Variants in STX8 observed in about 807,000 individuals in gnomAD.
STX8 encodes the protein syntaxin 8.
STX8 carries 23 observed loss-of-function variants against 37.5 expected under a neutral mutation model. The observed-to-expected ratio is 0.61, with a 90% CI of 0.44 to 0.87. The LOEUF (loss-of-function observed/expected upper bound fraction) is 0.87, where lower values mean the gene tolerates loss of function less well. Among genes scored for constraint, STX8 ranks in the 40% least tolerant of loss-of-function variants. The pLI is 0.00. For missense variants in STX8, 313 were observed against 284.7 expected (o/e 1.10, Z -0.71); for synonymous variants, 115 against 99.1 (o/e 1.16, Z -0.95).
Position 9,299,568 on chromosome 17 carries a change from T to C in STX8, c.644-48923A>G, listed in dbSNP as rs966485459. Among the ~76,000 whole-genome samples the C allele has an allele frequency of 1.4e-4, 21 of 150,966 alleles. No homozygotes were observed. The East Asian group carries it at 3.6e-3, about 26-fold the overall frequency. On this transcript the variant is annotated intron_variant, in intron 7 of 7. Coordinates refer to ENST00000306357, the MANE Select transcript of STX8 (RefSeq NM_004853.3). ...ACACCATTCTCCTGCCTCAGCCTCC[T>C]GAGTAGCTGGGACTACAGGCGCCCG...
intron 4 of STX8, among the ~76,000 whole-genome samples, chr17:9,537,888 T>C (rs78476874): frequency 0.029 from 4,443 of 152,318 alleles, 77 homozygotes; most frequent in South Asian, 0.043. Flanking sequence ...ATTTTACTGA[T>C]TGTATGATTC....
intron 2 of STX8, among the ~76,000 whole-genome samples, chr17:9,561,053 C>T (rs1461106889): frequency 6.6e-6 from 1 of 151,898 alleles, no homozygotes; most frequent in Non-Finnish European, 1.5e-5. Flanking sequence ...CTATGACACA[C>T]CAAAGTAAAC....
At chr17:9,513,450 G>A (rs7216318) in intron 4 of STX8, among the ~76,000 whole-genome samples, 2,133 of 152,162 alleles carry the variant, frequency 0.014, 24 homozygotes, top group Non-Finnish European at 0.023. Context: ...AATCGTCAGG[G>A]AACTGCAAAT....
intron 7 of STX8, among the ~76,000 whole-genome samples, chr17:9,303,302 A>C (rs913129687): frequency 1.3e-5 from 2 of 152,114 alleles, no homozygotes; most frequent in African/African-American, 4.8e-5. Context: ...ATAAATAAAT[A>C]AATAACCCTA....
chr17:9,328,979 G>A (rs528579880), intron 7 of STX8, among the ~76,000 whole-genome samples: 1 of 148,654 alleles, frequency 6.7e-6, no homozygotes, highest in Admixed American at 6.7e-5. Flanking sequence ...GAACCCAGGA[G>A]GTGGAGGTTG....
rs763457544 is a variant in STX8 at position 9,250,587 on chromosome 17, C to A, written c.702G>T (p.Pro234=). Residue 234 remains proline (P), a synonymous_variant, in exon 8 of 8, where the codon CCG becomes CCT. Transcript: ENST00000306357. ...LVAIVVVAVW[P]TN ...GGTCTCTTTACTGCCATCAGTTGGT[C>A]GGCCAGACTGCAACAACCACGATAG... The A allele has an allele frequency of 6.3e-7, 1 of 1,594,744 alleles. No individual in the cohort carries two copies. Among genetic ancestry groups the A allele is most frequent in the Non-Finnish European group, 8.5e-7 (1 of 1,170,876 alleles).
intron 6 of STX8, among the ~76,000 whole-genome samples, chr17:9,463,194 AT>A (rs1178532996): frequency 6.6e-6 from 1 of 152,182 alleles, no homozygotes; most frequent in Non-Finnish European, 1.5e-5. Context: ...TGAGGCTGGT[AT>A]TTAATTCTCT....
intron 4 of STX8, among the ~76,000 whole-genome samples, chr17:9,532,339 A>G (rs1477767960): frequency 6.6e-6 from 1 of 152,226 alleles, no homozygotes; most frequent in Non-Finnish European, 1.5e-5. Context: ...TCCAAGATAC[A>G]CTGTTAAGTA....
At chr17:9,394,215 G>A (rs1912321420) in intron 6 of STX8, among the ~76,000 whole-genome samples, 2 of 152,192 alleles carry the variant, frequency 1.3e-5, no homozygotes, top group African/African-American at 4.8e-5. Context: ...TGGGCAGTCA[G>A]TGTCAACCAT....
In STX8 at chr17:9,570,287, A is replaced by G. The variant is rs143476580; in HGVS notation, c.18-1817T>C. Among the ~76,000 whole-genome samples, 1,181 of 152,190 alleles carry G rather than the reference A, an allele frequency of 7.8e-3. 8 individuals are homozygous for G. Among genetic ancestry groups the G allele is most frequent in the Non-Finnish European group, 0.013 (904 of 68,000 alleles). The stretch of plus-strand genomic sequence containing the variant: ...ATAATTATAGCAATAGTAACAGCTG[A>G]GTACCTGACCTGAGCCAGGTCCTAT... On this transcript the variant is annotated intron_variant, in intron 1 of 7. Coordinates refer to ENST00000306357, the MANE Select transcript of STX8 (RefSeq NM_004853.3).
intron 6 of STX8, among the ~76,000 whole-genome samples, chr17:9,389,500 C>T (rs761497987): frequency 4.6e-5 from 7 of 152,090 alleles, no homozygotes; most frequent in African/African-American, 9.7e-5. Context: ...AATGGAACAA[C>T]GTAAAGTATA....
intron 6 of STX8, among the ~76,000 whole-genome samples, chr17:9,443,701 C>T (rs892405776): frequency 6.6e-6 from 1 of 152,198 alleles, no homozygotes; most frequent in African/African-American, 2.4e-5. Flanking sequence ...ATTATTTCTA[C>T]TGGCTCCTCT....
chr17:9,304,915 G>GAAA (rs1200902556), intron 7 of STX8, among the ~76,000 whole-genome samples: 96 of 134,554 alleles, frequency 7.1e-4, no homozygotes, highest in African/African-American at 2.8e-3. Flanking sequence ...ATATATGGGC[G>GAAA]AAAAAAAAAA....
intron 7 of STX8, among the ~76,000 whole-genome samples, chr17:9,339,676 C>T (rs978606331): frequency 1.3e-5 from 2 of 152,070 alleles, no homozygotes; most frequent in African/African-American, 4.8e-5. Flanking sequence ...AAAAAGGACT[C>T]CTCATTCCTG....
intron 7 of STX8, among the ~76,000 whole-genome samples, chr17:9,314,266 T>C (rs571887836): frequency 6.6e-6 from 1 of 152,342 alleles, no homozygotes; most frequent in Non-Finnish European, 1.5e-5. Flanking sequence ...GTCAGCCAAT[T>C]TGTTTTGAGG....
chr17:9,436,457 A>G (rs1199618773), intron 6 of STX8, among the ~76,000 whole-genome samples: 1 of 152,188 alleles, frequency 6.6e-6, no homozygotes, highest in Non-Finnish European at 1.5e-5. Context: ...GAATGGGGAA[A>G]GTACACTAGG....
At chr17:9,574,075 A>G (rs1236159247) in intron 1 of STX8, among the ~76,000 whole-genome samples, 1 of 152,094 alleles carries the variant, frequency 6.6e-6, no homozygotes, top group Non-Finnish European at 1.5e-5. Flanking sequence ...GTTCAAGATC[A>G]GCCTAGGCAA....
At position 9,334,713 on chromosome 17, in the gene STX8, T is replaced by C. The variant is rs528616191; in HGVS notation, c.643+43839A>G. ...GCATCTATCAATGGAAGAATTTATT[T>C]GGCTCATGGTTCTGAAGGCTGGGAA... is the stretch of plus-strand genomic sequence containing the variant. On this transcript the variant is annotated intron_variant, in intron 7 of 7. Transcript: ENST00000306357. Among the ~76,000 whole-genome samples the C allele has an allele frequency of 4.1e-4, 62 of 152,198 alleles. 1 individual carries two copies. The highest frequency in any genetic ancestry group is 8.1e-4 in the Non-Finnish European group (55 of 68,032).
rs377202754 is a variant in STX8, at chr17:9,382,464, G to C, written c.542-3811C>G. On this transcript the variant is annotated intron_variant, in intron 6 of 7. Coordinates refer to ENST00000306357, the MANE Select transcript of STX8 (RefSeq NM_004853.3). Reference sequence around the variant, plus strand: ...TTTTTAAATTATACTTTAAGTTCTAGGTACATGTGCACAACGTGCAGGTTT... The same window carrying C: ...TTTTTAAATTATACTTTAAGTTCTACGTACATGTGCACAACGTGCAGGTTT... 9.2e-5 allele frequency among the ~76,000 whole-genome samples: 14 copies of C among 152,178 alleles called. No individual in the cohort carries two copies. In the East Asian group the frequency reaches 1.5e-3, roughly 17 times the overall value.
Sources: allele counts gnomAD v4.1 joint callset (sites outside exome capture counted in the v4.1 genomes callset), GRCh38; gene constraint gnomAD v4.1.1; transcripts MANE v1.5; gene names NCBI Gene and HGNC (gene_info 2026-07-23, HGNC 2026-07-21).